KCNN2: variants seen among roughly 807,000 people sequenced by gnomAD.
The protein encoded by KCNN2 is small conductance calcium-activated potassium channel protein 2.
In KCNN2, 24 loss-of-function variants were observed where a neutral mutation model predicts 55.5. The observed-to-expected ratio is 0.43, with a 90% CI of 0.31 to 0.61. The LOEUF (loss-of-function observed/expected upper bound fraction) is 0.61, where lower values mean the gene tolerates loss of function less well. Among genes scored for constraint, KCNN2 ranks in the 20% least tolerant of loss-of-function variants. KCNN2 has a pLI of 0.08. For synonymous variants in KCNN2, 431 were observed against 336.1 expected (o/e 1.28, Z -3.09); for missense variants, 754 against 853.6 (o/e 0.88, Z 1.45).
intron 1 of KCNN2, among the ~76,000 whole-genome samples, chr5:114,071,053 A>G (rs1377786400): frequency 6.6e-6 from 1 of 152,250 alleles, no homozygotes; most frequent in Non-Finnish European, 1.5e-5. Flanking sequence ...CTAGCCATAT[A>G]CATATGTATG....
At chr5:114,172,694 A>G (rs1055140464) in intron 1 of KCNN2, among the ~76,000 whole-genome samples, 8 of 150,924 alleles carry the variant, frequency 5.3e-5, no homozygotes, top group Non-Finnish European at 1.0e-4. Context: ...ATGATCAGTG[A>G]TGCTGAGCAC....
At chr5:114,119,870 T>A (rs969775869) in intron 1 of KCNN2, among the ~76,000 whole-genome samples, 4 of 152,162 alleles carry the variant, frequency 2.6e-5, no homozygotes, top group African/African-American at 7.2e-5. Flanking sequence ...GAGGCAGACT[T>A]ACTATGTCTT....
intron 1 of KCNN2, among the ~76,000 whole-genome samples, chr5:114,208,305 G>A (rs1753814304): frequency 6.6e-6 from 1 of 152,070 alleles, no homozygotes; most frequent in Non-Finnish European, 1.5e-5. Flanking sequence ...GTCATCCCTT[G>A]CCTGTTTCCC....
At chr5:114,477,391 A>G (rs1762019850) in intron 5 of KCNN2, among the ~76,000 whole-genome samples, 1 of 152,198 alleles carries the variant, frequency 6.6e-6, no homozygotes, top group African/African-American at 2.4e-5. Context: ...CTGTATGACT[A>G]CATTAACCAA....
intron 1 of KCNN2, among the ~76,000 whole-genome samples, chr5:114,102,779 C>T (rs1420776798): frequency 6.6e-6 from 1 of 152,148 alleles, no homozygotes; most frequent in Admixed American, 6.5e-5. Flanking sequence ...GGCCTCTGTT[C>T]TGTTCCATTG....
intron 1 of KCNN2, among the ~76,000 whole-genome samples, chr5:114,183,498 G>C (rs563850785): frequency 6.6e-6 from 1 of 152,174 alleles, no homozygotes; most frequent in African/African-American, 2.4e-5. Context: ...CTGTGGAAAA[G>C]TTTTAAACTC....
At chr5:114,433,713 C>G (rs1561381112) in intron 3 of KCNN2, 1 of 152,594 alleles carries the variant, frequency 6.6e-6, no homozygotes, top group Non-Finnish European at 1.5e-5. Context: ...GATGCACCGC[C>G]TTAAGAGCTG....
At chr5:114,462,800 T>TA (rs570746061) in intron 3 of KCNN2, among the ~76,000 whole-genome samples, 13 of 152,332 alleles carry the variant, frequency 8.5e-5, no homozygotes, top group African/African-American at 2.9e-4. Flanking sequence ...TGTATCATCT[T>TA]ACACCAGTGA....
chr5:114,091,163 G>A (rs1751136080), intron 1 of KCNN2, among the ~76,000 whole-genome samples: 1 of 152,078 alleles, frequency 6.6e-6, no homozygotes, highest in African/African-American at 2.4e-5. Context: ...TTCCAGGAAG[G>A]CTGTTAATCA....
intron 3 of KCNN2, among the ~76,000 whole-genome samples, chr5:114,423,880 C>G (rs1445810933): frequency 6.6e-6 from 1 of 152,122 alleles, no homozygotes; most frequent in Non-Finnish European, 1.5e-5. Flanking sequence ...CAGGATATCC[C>G]AGACAGAAGG....
chr5:114,066,970 T>C (rs146459281), intron 1 of KCNN2, among the ~76,000 whole-genome samples: 2 of 152,226 alleles, frequency 1.3e-5, no homozygotes, highest in Non-Finnish European at 2.9e-5. Context: ...GGGAGACTGA[T>C]ATATAAACTG....
intron 2 of KCNN2, among the ~76,000 whole-genome samples, chr5:114,229,942 G>T (rs1754322650): frequency 6.6e-6 from 1 of 152,088 alleles, no homozygotes; most frequent in South Asian, 2.1e-4. Flanking sequence ...TGGAACACAC[G>T]TAACAGAAGC....
chr5:114,282,247 T>C (rs1423220476), intron 2 of KCNN2, among the ~76,000 whole-genome samples: 1 of 152,112 alleles, frequency 6.6e-6, no homozygotes, highest in Non-Finnish European at 1.5e-5. Flanking sequence ...CATTCCTTTG[T>C]ATGGGGAATT....
chr5:114,112,126 C>T (rs779521816), intron 1 of KCNN2, among the ~76,000 whole-genome samples: 5 of 152,112 alleles, frequency 3.3e-5, no homozygotes, highest in Non-Finnish European at 7.4e-5. Flanking sequence ...GGCACATATA[C>T]AACATGGAAT....
Position 114,092,706 on chromosome 5 carries a change from T to G in KCNN2, c.-271+36206T>G, listed in dbSNP as rs181880357. Among the ~76,000 whole-genome samples the G allele has an allele frequency of 7.2e-5, 11 of 152,292 alleles. No homozygotes were observed. The East Asian group carries it at 1.7e-3, about 24-fold the overall frequency. Reference sequence around the variant, plus strand: ...TCCCAAACCTCAATTCTTGAATCCTTTGCACCCACAGGCCCAACACCACTT... The same window carrying G: ...TCCCAAACCTCAATTCTTGAATCCTGTGCACCCACAGGCCCAACACCACTT... On this transcript the variant is annotated intron_variant, in intron 1 of 10. Coordinates refer to the KCNN2 transcript ENST00000512097.
chr5:114,424,335 A>G (rs1297058694), intron 3 of KCNN2, among the ~76,000 whole-genome samples: 3 of 152,218 alleles, frequency 2.0e-5, no homozygotes. Flanking sequence ...TATGAGCACT[A>G]AACTGACACC....
chr5:114,125,323 T>C (rs1751908366), intron 1 of KCNN2, among the ~76,000 whole-genome samples: 7 of 152,334 alleles, frequency 4.6e-5, no homozygotes, highest in Middle Eastern at 6.8e-3. Flanking sequence ...CCCACTGTAG[T>C]TTTGGAGTCT....
chr5:114,392,674 C>T (rs1464674457), intron 2 of KCNN2, among the ~76,000 whole-genome samples: 1 of 152,094 alleles, frequency 6.6e-6, no homozygotes, highest in Non-Finnish European at 1.5e-5. Context: ...GTCATCTCTC[C>T]CTTTCTGTTT....
chr5:114,388,792 A>C (rs1192020288), intron 2 of KCNN2, among the ~76,000 whole-genome samples: 1 of 152,134 alleles, frequency 6.6e-6, no homozygotes, highest in Admixed American at 6.5e-5. Flanking sequence ...TGAAGTTTAC[A>C]GTGACTTATT....
Sources: allele counts gnomAD v4.1 joint callset (sites outside exome capture counted in the v4.1 genomes callset), GRCh38; gene constraint gnomAD v4.1.1; transcripts MANE v1.5; gene names NCBI Gene and HGNC (gene_info 2026-07-23, HGNC 2026-07-21).